The following POLM variants were observed in gnomAD, a reference collection of about 807,000 sequenced individuals.
POLM encodes the protein DNA polymerase mu, also known as DNA-directed DNA/RNA polymerase mu.
POLM carries 52 observed loss-of-function variants against 56.7 expected under a neutral mutation model. The ratio of observed to expected loss-of-function variants is 0.92; its 90% CI spans 0.73 to 1.15. The LOEUF is 1.15. Among genes scored for constraint, POLM ranks in the 50% most tolerant of loss-of-function variants. The probability of loss-of-function intolerance (pLI) is 0.00; values close to 1 mark genes in which losing one functional copy is unlikely to be tolerated. For synonymous variants in POLM, 273 were observed against 274.3 expected, an observed-to-expected ratio of 1.00 and a Z score of 0.05; for missense variants, 660 against 663.6, an observed-to-expected ratio of 0.99 and a Z score of 0.06.
chr7:44,080,895 C>T lies in POLM; in HGVS notation c.210G>A (p.Val70=). 6.3e-7 allele frequency: 1 copy of T among 1,584,998 alleles called. No individual in the cohort carries two copies. Among genetic ancestry groups the T allele is most frequent in the Non-Finnish European group, 8.6e-7 (1 of 1,166,592 alleles). The change falls in exon 2 of 11, where the codon GTG becomes GTA. Residue 70 remains valine (V), a synonymous_variant. Transcript: ENST00000242248. The part of the protein sequence containing the change: ...DACSSEATHV[V]MEETSAEEAV... ...CCTCCTCTGCTGAGGTCTCTTCCAT[C>T]ACAACATGTGTCGCTTCGGAGCTGG...
In POLM at chr7:44,080,726, A is replaced by G; in HGVS notation, c.372+7T>C. 1 of 1,613,716 alleles carries G rather than the reference A, an allele frequency of 6.2e-7. No individual in the cohort carries two copies. Among genetic ancestry groups the G allele is most frequent in the Non-Finnish European group, 8.5e-7 (1 of 1,179,806 alleles). On this transcript the variant is annotated splice_region_variant and intron_variant, in intron 2 of 10. Coordinates refer to ENST00000242248, the MANE Select transcript of POLM (RefSeq NM_013284.4). Reference sequence around the variant, plus strand: ...TAGCCCCCACTTTAGTCTTCCACCCAGCTCACCTCCAGGCGGTGCCGGCAC... The same window carrying G: ...TAGCCCCCACTTTAGTCTTCCACCCGGCTCACCTCCAGGCGGTGCCGGCAC...
rs747526321 is a variant in POLM at position 44,073,974 on chromosome 7, G to A, written c.1123C>T (p.Arg375Cys). The change falls in exon 9 of 11, where the codon CGC (arginine) becomes TGC (cysteine). Residue 375 changes from arginine to cysteine, a missense_variant. Coordinates refer to ENST00000242248, the MANE Select transcript of POLM (RefSeq NM_013284.4). ...TCCATGTGGCTCTGTTGGGCCAGGC[G>A]GGTAGGGGACTCACAGCAGCTGTGC... ...HQHSCCESPT[R>C]LAQQSHMDAF... is the part of the protein sequence containing the mutation. 2.5e-5 allele frequency: 41 copies of A among 1,614,088 alleles called. No individual in the cohort carries two copies. Among genetic ancestry groups the A allele is most frequent in the Admixed American group, 6.7e-5 (4 of 60,008 alleles).
chr7:44,082,271 G>A lies in POLM; in HGVS notation c.168C>T (p.Phe56=), dbSNP rs763657361. The part of the protein sequence containing the change: ...FLTGLARSKG[F]RVLDACSSEA... ...CGCACCTGCAGGCGTCAAGGACGCG[G>A]AAGCCTTTGGAGCGCGCCAGGCCTG... Residue 56 remains phenylalanine (F), a synonymous_variant, in exon 1 of 11, where the codon TTC becomes TTT. Coordinates refer to ENST00000242248, the MANE Select transcript of POLM (RefSeq NM_013284.4). 2.2e-5 allele frequency: 33 copies of A among 1,512,604 alleles called. No homozygotes were observed. Among genetic ancestry groups the A allele is most frequent in the Non-Finnish European group, 2.9e-5 (33 of 1,138,558 alleles). The allele number at this position is 1,512,604 out of a possible 1,614,324, so 93.7% of individuals were successfully genotyped here. A position where few individuals can be genotyped will look rare whatever the true frequency, so the allele number is the denominator to read the frequency against.
At position 44,074,424 on chromosome 7, in the gene POLM, G is replaced by A. The variant is rs764442387; in HGVS notation, c.942C>T (p.Thr314=). ...TGCGGAAGCCGCCGGTCAGCGTGAC[G>A]GTGGCCCCAGGCAGGGCCTGCCCCA... ...EAVGQALPGA[T]VTLTGGFRRG... Residue 314 remains threonine (T), a synonymous_variant, in exon 7 of 11, where the codon ACC becomes ACT. Transcript: ENST00000242248. 7.7e-6 allele frequency: 12 copies of A among 1,562,302 alleles called. No homozygotes were observed. The highest frequency in any genetic ancestry group is 1.2e-5 in the South Asian group (1 of 84,864).
Position 44,073,009 on chromosome 7 carries a change from T to C in POLM, c.*282A>G. On this transcript the variant is annotated 3_prime_UTR_variant, in exon 11 of 11. Transcript: ENST00000242248. ...CTCCACGATGTGGGCCCCACTCACA[T>C]CCCATCCAGGGCAGGAACGTGAGCC... 1 of 1,156,964 alleles carries C rather than the reference T, an allele frequency of 8.6e-7. No individual in the cohort carries two copies. The highest frequency in any genetic ancestry group is 1.2e-6 in the Non-Finnish European group (1 of 853,198). The allele number at this position is 1,156,964 out of a possible 1,614,324, so 71.7% of individuals were successfully genotyped here. A position where few individuals can be genotyped will look rare whatever the true frequency, so the allele number is the denominator to read the frequency against.
chr7:44,082,489 G>C lies in POLM; in HGVS notation c.-51C>G, dbSNP rs1586031765. The C allele has an allele frequency of 1.1e-6, 1 of 898,808 alleles. No individual in the cohort carries two copies. Among genetic ancestry groups the C allele is most frequent in the Non-Finnish European group, 1.4e-6 (1 of 712,168 alleles). 55.7% of individuals were successfully genotyped at this position (898,808 alleles called of 1,614,324 possible). A position where few individuals can be genotyped will look rare whatever the true frequency, so the allele number is the denominator to read the frequency against. ...GAGCGAACGCAGAGGGAAACTCCGAGCGAGACGGAAGGAAGCCCCAGTGAG... is the reference window on the plus strand; with the variant it reads ...GAGCGAACGCAGAGGGAAACTCCGACCGAGACGGAAGGAAGCCCCAGTGAG... On this transcript the variant is annotated 5_prime_UTR_variant, in exon 1 of 11. Coordinates refer to ENST00000242248, the MANE Select transcript of POLM (RefSeq NM_013284.4).
At chr7:44,081,620 T>A (rs967126556) in intron 1 of POLM, among the ~76,000 whole-genome samples, 1 of 152,182 alleles carries the variant, frequency 6.6e-6, no homozygotes, top group Non-Finnish European at 1.5e-5. Context: ...TACAAGAGCT[T>A]CTCAGTCGTG....
chr7:44,077,022 A>T (rs1184031227), intron 5 of POLM: 1 of 164,938 alleles, frequency 6.1e-6, no homozygotes, highest in Non-Finnish European at 1.3e-5. Flanking sequence ...ACAGCAAAAA[A>T]CAATGAGGAG....
intron 1 of POLM, 49 bp downstream of exon 1, chr7:44,082,202 A>C: frequency 1.4e-6 from 2 of 1,396,646 alleles, no homozygotes; most frequent in South Asian, 1.5e-5. Flanking sequence ...CTTAGAATCC[A>C]AAACCAGAAG....
In POLM at chr7:44,082,243, C is replaced by T. The variant is rs369880823; in HGVS notation, c.188+8G>A. 2.8e-6 allele frequency: 4 copies of T among 1,451,924 alleles called. No homozygotes were observed. Among genetic ancestry groups the T allele is most frequent in the East Asian group, 2.9e-5 (1 of 33,998 alleles). 89.9% of individuals were successfully genotyped at this position (1,451,924 alleles called of 1,614,324 possible). On this transcript the variant is annotated splice_region_variant and intron_variant, in intron 1 of 10. Coordinates refer to ENST00000242248, the MANE Select transcript of POLM (RefSeq NM_013284.4). Reference sequence around the variant, plus strand: ...TGGAAGCCCTCGCCGCGCCGCGCCGCCCCGCACCTGCAGGCGTCAAGGACG... The same window carrying T: ...TGGAAGCCCTCGCCGCGCCGCGCCGTCCCGCACCTGCAGGCGTCAAGGACG...
At chr7:44,080,970 G>T in intron 1 of POLM, 54 bp from the exon 2 acceptor site, 3 of 1,468,280 alleles carry the variant, frequency 2.0e-6, no homozygotes, top group Non-Finnish European at 1.8e-6. Context: ...AGCCCGTCCT[G>T]GTTGGCTCCA....
intron 5 of POLM, chr7:44,077,073 G>C (rs1303407268): frequency 6.4e-6 from 1 of 155,880 alleles, no homozygotes; most frequent in African/African-American, 2.4e-5. Flanking sequence ...GAGTTGGCAG[G>C]GCTGGCTGGG....
In POLM at chr7:44,080,904, T is replaced by A; in HGVS notation, c.201A>T (p.Thr67=). Residue 67 remains threonine (T), a synonymous_variant, in exon 2 of 11, where the codon ACA becomes ACT. Coordinates refer to ENST00000242248, the MANE Select transcript of POLM (RefSeq NM_013284.4). The part of the protein sequence containing the change: ...RVLDACSSEA[T]HVVMEETSAE... ...CTGAGGTCTCTTCCATCACAACATG[T>A]GTCGCTTCGGAGCTGGTGGAGGGAG... The A allele has an allele frequency of 1.3e-6, 2 of 1,571,586 alleles. No homozygotes were observed.
At chr7:44,076,330 T>G (rs2096183263) in intron 6 of POLM, 179 bp downstream of exon 6, 2 of 668,400 alleles carry the variant, frequency 3.0e-6, no homozygotes, top group Non-Finnish European at 5.0e-6. Flanking sequence ...CATCGTCCAC[T>G]GAGAAAAGGC....
Position 44,073,782 on chromosome 7 carries a change from C to T in POLM, c.1314+1G>A, listed in dbSNP as rs1336391658. ...AGGCGGCCCAGCGGCACACTGCCTACCTTGGAGCCAGTCCAACCGAGCAGG... is the reference window on the plus strand; with the variant it reads ...AGGCGGCCCAGCGGCACACTGCCTATCTTGGAGCCAGTCCAACCGAGCAGG... On this transcript the variant is annotated splice_donor_variant, in intron 9 of 10. Transcript: ENST00000242248. LOFTEE classifies it high-confidence loss of function. The T allele has an allele frequency of 1.2e-6, 2 of 1,613,938 alleles. No individual in the cohort carries two copies. Among genetic ancestry groups the T allele is most frequent in the African/African-American group, 2.7e-5 (2 of 74,948 alleles).
intron 2 of POLM, chr7:44,080,488 T>A: frequency 1.5e-6 from 1 of 682,198 alleles, no homozygotes; most frequent in Non-Finnish European, 2.7e-6. Context: ...AAGGTAAAAA[T>A]AAGCAGACCC....
intron 4 of POLM, among the ~76,000 whole-genome samples, 178 bp downstream of exon 4, chr7:44,079,393 A>G (rs1260347700): frequency 6.6e-6 from 1 of 152,100 alleles, no homozygotes; most frequent in Non-Finnish European, 1.5e-5. Context: ...CCAGGAGTAA[A>G]TGGCTAGTGT....
At chr7:44,081,799 G>A (rs938161810) in intron 1 of POLM, among the ~76,000 whole-genome samples, 1 of 149,156 alleles carries the variant, frequency 6.7e-6, no homozygotes, top group Non-Finnish European at 1.5e-5. Flanking sequence ...AGGCTGGAGT[G>A]CAGTGGCGCG....
chr7:44,079,467 C>T (rs191929343), intron 4 of POLM, 104 bp downstream of exon 4: 16 of 1,093,778 alleles, frequency 1.5e-5, no homozygotes, highest in South Asian at 8.6e-5. Flanking sequence ...TCAGCACCCA[C>T]GACTGTCTGT....
Sources: gnomAD v4.1 joint callset for allele counts (sites outside exome capture counted in the v4.1 genomes callset) on GRCh38, gnomAD v4.1.1 for gene constraint, MANE v1.5 for transcripts, NCBI Gene and HGNC (gene_info 2026-07-23, HGNC 2026-07-21) for gene names.